The following IDNK variants were observed in gnomAD, a reference collection of about 807,000 sequenced individuals.
IDNK encodes gluconokinase.
IDNK carries 9 observed loss-of-function variants against 13.0 expected under a neutral mutation model. The ratio of observed to expected loss-of-function variants is 0.69; its 90% CI spans 0.42 to 1.21. IDNK has a LOEUF of 1.21. Ranked by LOEUF, IDNK falls within the 50% of genes most tolerant of loss-of-function variation. The probability of loss-of-function intolerance (pLI) is 0.00; values close to 1 mark genes in which losing one functional copy is unlikely to be tolerated. For missense variants in IDNK, 210 were observed against 237.8 expected, an observed-to-expected ratio of 0.88 and a Z score of 0.77; for synonymous variants, 92 against 94.9, an observed-to-expected ratio of 0.97 and a Z score of 0.18.
At chr9:83,632,557 CAAAAAAAAAAA>C (rs61214533) in intron 3 of IDNK, among the ~76,000 whole-genome samples, 8 of 78,558 alleles carry the variant, frequency 1.0e-4, no homozygotes, top group East Asian at 4.1e-4. Context: ...AGCTGATGAG[CAAAAAAAAAAA>C]AAAAAAAAAA....
At chr9:83,639,982 G>C (rs529814747) in intron 3 of IDNK, among the ~76,000 whole-genome samples, 1 of 152,300 alleles carries the variant, frequency 6.6e-6, no homozygotes, top group East Asian at 1.9e-4. Context: ...TGGCTGCCTG[G>C]CTTCCACCAA....
intron 4 of IDNK, 22 bp downstream of exon 4, chr9:83,641,613 G>C (rs1401841876): frequency 6.2e-7 from 1 of 1,613,034 alleles, no homozygotes; most frequent in Non-Finnish European, 8.5e-7. Flanking sequence ...CCAGGCCTTG[G>C]CATAAGCCAA....
chr9:83,630,305 A>G (rs1830975556), intron 3 of IDNK, among the ~76,000 whole-genome samples: 1 of 152,216 alleles, frequency 6.6e-6, no homozygotes, highest in African/African-American at 2.4e-5. Context: ...AGAACTATAA[A>G]AGAGAGTAAT....
rs749451835 is a variant in IDNK at position 83,644,059 on chromosome 9, G to A, written c.*279G>A. On this transcript the variant is annotated 3_prime_UTR_variant, in exon 5 of 5. Coordinates refer to ENST00000376419, the MANE Select transcript of IDNK (RefSeq NM_001001551.4). ...AATTCTGTAATCAATGCTGGAAATCGTTACATTGTTTAGAACATTCTTGCT... is the reference window on the plus strand; with the variant it reads ...AATTCTGTAATCAATGCTGGAAATCATTACATTGTTTAGAACATTCTTGCT... 19 of 353,502 alleles carry A rather than the reference G, an allele frequency of 5.4e-5. No homozygotes were observed. The highest frequency in any genetic ancestry group is 1.8e-4 in the Admixed American group (4 of 22,470). The allele number at this position is 353,502 out of a possible 1,614,324, so 21.9% of individuals were successfully genotyped here. A position where few individuals can be genotyped will look rare whatever the true frequency, so the allele number is the denominator to read the frequency against.
intron 3 of IDNK, among the ~76,000 whole-genome samples, chr9:83,638,548 T>G (rs1224909297): frequency 6.6e-6 from 1 of 152,204 alleles, no homozygotes; most frequent in Non-Finnish European, 1.5e-5. Context: ...TTCCAGGGTA[T>G]GAGTACTCAC....
intron 3 of IDNK, among the ~76,000 whole-genome samples, chr9:83,635,535 C>G (rs1199195085): frequency 1.3e-5 from 2 of 152,238 alleles, no homozygotes; most frequent in East Asian, 1.9e-4. Flanking sequence ...GCCTACCCAG[C>G]CTGCCTGGGA....
chr9:83,625,653 T>C (rs906196152), intron 1 of IDNK, among the ~76,000 whole-genome samples: 3 of 152,192 alleles, frequency 2.0e-5, no homozygotes, highest in Non-Finnish European at 4.4e-5. Context: ...TGAACCCCTA[T>C]TGGAGCCCTA....
intron 3 of IDNK, among the ~76,000 whole-genome samples, chr9:83,635,631 G>A (rs186010286): frequency 1.3e-5 from 2 of 152,270 alleles, no homozygotes; most frequent in African/African-American, 2.4e-5. Context: ...TAACTCCTTC[G>A]CATGACCTTA....
intron 1 of IDNK, among the ~76,000 whole-genome samples, chr9:83,625,145 A>G (rs1830815477): frequency 6.6e-6 from 1 of 152,252 alleles, no homozygotes; most frequent in Non-Finnish European, 1.5e-5. Context: ...TTTTGAAGGT[A>G]GAGTCAGAAA....
At chr9:83,640,084 CCAT>C (rs1448638124) in intron 3 of IDNK, among the ~76,000 whole-genome samples, 4 of 151,966 alleles carry the variant, frequency 2.6e-5, no homozygotes, top group African/African-American at 9.7e-5. Context: ...TCTCTTCCTG[CCAT>C]CATAAATGTT....
Position 83,623,267 on chromosome 9 carries a change from G to A in IDNK, c.50+46G>A, listed in dbSNP as rs903651978. 3.7e-6 allele frequency: 5 copies of A among 1,364,246 alleles called. No individual in the cohort carries two copies. In the African/African-American group the frequency reaches 4.6e-5, roughly 13 times the overall value. The allele number at this position is 1,364,246 out of a possible 1,614,324, so 84.5% of individuals were successfully genotyped here. A position where few individuals can be genotyped will look rare whatever the true frequency, so the allele number is the denominator to read the frequency against. On this transcript the variant is annotated intron_variant, in intron 1 of 4. Coordinates refer to ENST00000376419, the MANE Select transcript of IDNK (RefSeq NM_001001551.4). ...GGGGCGCCCGGGACAAGTGTTGCGGGCGCGGCGGAGGCCGGACGCGTCGCC... is the reference window on the plus strand; with the variant it reads ...GGGGCGCCCGGGACAAGTGTTGCGGACGCGGCGGAGGCCGGACGCGTCGCC...
At chr9:83,633,111 G>A (rs1006807667) in intron 3 of IDNK, among the ~76,000 whole-genome samples, 2 of 151,908 alleles carry the variant, frequency 1.3e-5, no homozygotes, top group African/African-American at 2.4e-5. Context: ...AGGCCGAGGC[G>A]GGCAGATCAC....
chr9:83,629,677 T>C (rs1028993074), intron 3 of IDNK, among the ~76,000 whole-genome samples: 1 of 152,236 alleles, frequency 6.6e-6, no homozygotes, highest in Non-Finnish European at 1.5e-5. Context: ...TGGACTCTCA[T>C]GGTGCCATTT....
chr9:83,632,557 CAAAAAAAAAAAAAAAA>C (rs61214533), intron 3 of IDNK, among the ~76,000 whole-genome samples: 4 of 78,558 alleles, frequency 5.1e-5, no homozygotes, highest in Non-Finnish European at 7.1e-5. Context: ...AGCTGATGAG[CAAAAAAAAAAAAAAAA>C]AAAAAAAAAA....
At chr9:83,635,648 G>A (rs568510447) in intron 3 of IDNK, among the ~76,000 whole-genome samples, 4 of 152,150 alleles carry the variant, frequency 2.6e-5, no homozygotes, top group African/African-American at 9.7e-5. Flanking sequence ...CTTACACATC[G>A]CTGCCCCTTC....
At position 83,643,684 on chromosome 9, in the gene IDNK, G is replaced by A; in HGVS notation, c.468G>A (p.Glu156=). The change falls in exon 5 of 5, where the codon GAG becomes GAA. Residue 156 remains glutamate, a synonymous_variant. Transcript: ENST00000376419. ...ELLQSQFETL[E]PPAAPENFIQ... is the part of the protein sequence containing the mutation. ...TGCAGTCCCAGTTTGAGACTCTGGAGCCCCCAGCAGCTCCAGAAAACTTTA... is the reference window on the plus strand; with the variant it reads ...TGCAGTCCCAGTTTGAGACTCTGGAACCCCCAGCAGCTCCAGAAAACTTTA... 4 of 1,613,904 alleles carry A rather than the reference G, an allele frequency of 2.5e-6. No individual in the cohort carries two copies. The highest frequency in any genetic ancestry group is 3.4e-6 in the Non-Finnish European group (4 of 1,179,990).
intron 1 of IDNK, among the ~76,000 whole-genome samples, chr9:83,623,799 G>C (rs1830771970): frequency 6.6e-6 from 1 of 152,214 alleles, no homozygotes; most frequent in African/African-American, 2.4e-5. Flanking sequence ...TGGAAAGAAA[G>C]AAGAGAATTG....
chr9:83,630,860 T>C (rs1177883568), intron 3 of IDNK, among the ~76,000 whole-genome samples: 1 of 152,090 alleles, frequency 6.6e-6, no homozygotes, highest in Non-Finnish European at 1.5e-5. Flanking sequence ...AAGAGAAATT[T>C]ATGTACAGGA....
intron 4 of IDNK, 141 bp downstream of exon 4, chr9:83,641,732 A>G: frequency 2.3e-6 from 2 of 853,136 alleles, no homozygotes; most frequent in Middle Eastern, 3.3e-4. Flanking sequence ...CACTTCTATC[A>G]GGTAACCACA....
Sources: allele counts gnomAD v4.1 joint callset (sites outside exome capture counted in the v4.1 genomes callset), GRCh38; gene constraint gnomAD v4.1.1; transcripts MANE v1.5; gene names NCBI Gene and HGNC (gene_info 2026-07-23, HGNC 2026-07-21).